SERPINB10: variants seen among roughly 807,000 people sequenced by gnomAD.
The protein encoded by SERPINB10 is serpin family B member 10.
Under a neutral mutation model 39.1 loss-of-function variants are expected in SERPINB10, and 35 were observed. That is an observed-to-expected ratio of 0.90 (90% CI 0.68 to 1.19). SERPINB10 has a LOEUF of 1.19. SERPINB10 is among the 50% of genes most tolerant of loss of function. SERPINB10 has a pLI of 0.00. For synonymous variants in SERPINB10, 190 were observed against 158.1 expected (o/e 1.20, Z -1.52); for missense variants, 546 against 460.5 (o/e 1.19, Z -1.70).
At chr18:63,921,654 C>T (rs1052091528) in intron 5 of SERPINB10, among the ~76,000 whole-genome samples, 2 of 151,912 alleles carry the variant, frequency 1.3e-5, no homozygotes, top group African/African-American at 4.8e-5. Flanking sequence ...ACAAATTAGA[C>T]CAGATAGGCC....
In SERPINB10 at chr18:63,935,398, A is replaced by G. The variant is rs1443136065; in HGVS notation, c.*156A>G. On this transcript the variant is annotated 3_prime_UTR_variant, in exon 8 of 8. Transcript: ENST00000238508. ...GATCTTGAAATAATGCATTCTAATG[A>G]TCCTGTCATATCTGTACAGCTGGAG... The G allele has an allele frequency of 8.7e-6, 6 of 687,034 alleles. No homozygotes were observed. The Admixed American group carries it at 1.2e-4, about 14-fold the overall frequency. The allele number at this position is 687,034 out of a possible 1,614,324, so 42.6% of individuals were successfully genotyped here.
In SERPINB10 at chr18:63,930,503, C is replaced by T. The variant is rs373045142; in HGVS notation, c.633+316C>T. On this transcript the variant is annotated intron_variant, in intron 6 of 7. Transcript: ENST00000238508. ...AGGCATGCCTGAGTTAGAAGCAGTC[C>T]AGAACAAGAACCTAAGAGTCCTCAC... 4.6e-5 allele frequency among the ~76,000 whole-genome samples: 7 copies of T among 152,042 alleles called. No homozygotes were observed. In the East Asian group the frequency reaches 5.8e-4, roughly 13 times the overall value.
intron 1 of SERPINB10, among the ~76,000 whole-genome samples, chr18:63,909,209 G>C (rs2050046736): frequency 6.6e-6 from 1 of 152,040 alleles, no homozygotes; most frequent in Non-Finnish European, 1.5e-5. Context: ...TAAGCTCATA[G>C]ATGATCAGTT....
Position 63,935,212 on chromosome 18 carries a change from T to G in SERPINB10, c.1164T>G (p.Ile388Met), listed in dbSNP as rs758570663. 6.2e-7 allele frequency: 1 copy of G among 1,600,578 alleles called. No homozygotes were observed. Among genetic ancestry groups the G allele is most frequent in the Non-Finnish European group, 8.5e-7 (1 of 1,173,804 alleles). ...TCAGGCACAATAAAACCAACACCAT[T>G]CTTTTTTATGGAAGATTATGCTCCC... Reference protein sequence around the residue: ...FFIRHNKTNTILFYGRLCSP With the variant: ...FFIRHNKTNTMLFYGRLCSP The change falls in exon 8 of 8, where the codon ATT (isoleucine) becomes ATG (methionine). Residue 388 changes from isoleucine to methionine, a missense_variant. Ile to Met is a conservative substitution (Grantham distance 10). Transcript: ENST00000238508.
chr18:63,934,432 T>G (rs1179888659), intron 7 of SERPINB10, among the ~76,000 whole-genome samples: 1 of 152,174 alleles, frequency 6.6e-6, no homozygotes, highest in Non-Finnish European at 1.5e-5. Context: ...TTATTCCAAA[T>G]TTTGTTTTCA....
At chr18:63,934,740 T>C in intron 7 of SERPINB10, 98 bp from the exon 8 acceptor site, 12 of 1,250,320 alleles carry the variant, frequency 9.6e-6, no homozygotes, top group Non-Finnish European at 1.3e-5. Context: ...GGAGTGATCA[T>C]AATTCACCTA....
chr18:63,909,733 G>C (rs947462896), intron 1 of SERPINB10, among the ~76,000 whole-genome samples: 21 of 152,004 alleles, frequency 1.4e-4, no homozygotes, highest in Non-Finnish European at 2.8e-4. Flanking sequence ...CATTTTCCGT[G>C]TAAATTTAAT....
intron 7 of SERPINB10, 62 bp downstream of exon 7, chr18:63,933,265 C>T (rs1013066523): frequency 1.2e-5 from 19 of 1,568,378 alleles, no homozygotes; most frequent in Admixed American, 3.4e-5. Flanking sequence ...AAAAGAACTG[C>T]TTGGCCAAGG....
At chr18:63,926,541 A>G (rs77863422) in intron 5 of SERPINB10, among the ~76,000 whole-genome samples, 2,387 of 152,172 alleles carry the variant, frequency 0.016, 71 homozygotes, top group African/African-American at 0.053. Context: ...ACAAAAATGC[A>G]TAACTTGAAT....
chr18:63,929,600 T>G (rs1031472655), intron 5 of SERPINB10, among the ~76,000 whole-genome samples: 2 of 151,670 alleles, frequency 1.3e-5, no homozygotes, highest in East Asian at 3.9e-4. Context: ...AGAAGTAACT[T>G]CCTTTTTTAC....
chr18:63,932,959 G>C lies in SERPINB10; in HGVS notation c.634-89G>C, dbSNP rs563313397. ...GAGAATCAGCAGTTTCACCAACTGAGAGCCAATGATGGTAGAGAATTAAGG... is the reference window on the plus strand; with the variant it reads ...GAGAATCAGCAGTTTCACCAACTGACAGCCAATGATGGTAGAGAATTAAGG... On this transcript the variant is annotated intron_variant, in intron 6 of 7. Coordinates refer to ENST00000238508, the MANE Select transcript of SERPINB10 (RefSeq NM_005024.3). 8.0e-5 allele frequency: 98 copies of C among 1,227,828 alleles called. 1 individual carries two copies. Among genetic ancestry groups the C allele is most frequent in the South Asian group, 5.6e-4 (40 of 71,834 alleles). The allele number at this position is 1,227,828 out of a possible 1,614,324, so 76.1% of individuals were successfully genotyped here. A position where few individuals can be genotyped will look rare whatever the true frequency, so the allele number is the denominator to read the frequency against.
intron 5 of SERPINB10, among the ~76,000 whole-genome samples, chr18:63,927,989 T>G (rs2050192595): frequency 6.6e-6 from 1 of 152,096 alleles, no homozygotes; most frequent in Admixed American, 6.5e-5. Context: ...TGAAAAGAAT[T>G]TACCTGTCTA....
intron 1 of SERPINB10, among the ~76,000 whole-genome samples, chr18:63,910,941 G>A (rs538568010): frequency 2.5e-4 from 38 of 151,956 alleles, no homozygotes; most frequent in Middle Eastern, 3.4e-3. Flanking sequence ...TTTCTCCACA[G>A]CGTCATCAGC....
chr18:63,912,406 T>C (rs2050071546), intron 1 of SERPINB10, among the ~76,000 whole-genome samples: 1 of 152,062 alleles, frequency 6.6e-6, no homozygotes, highest in Non-Finnish European at 1.5e-5. Flanking sequence ...TTCAGTATGA[T>C]ATTGGCTGTG....
chr18:63,915,727 T>G, intron 2 of SERPINB10, 49 bp downstream of exon 2: 1 of 1,474,982 alleles, frequency 6.8e-7, no homozygotes, highest in Non-Finnish European at 9.2e-7. Flanking sequence ...GCTAAGTGCT[T>G]TCATTGCCTT....
chr18:63,923,113 G>T (rs2050157892), intron 5 of SERPINB10, among the ~76,000 whole-genome samples: 1 of 151,872 alleles, frequency 6.6e-6, no homozygotes, highest in Admixed American at 6.6e-5. Flanking sequence ...TAAGCTCATG[G>T]TGGACACAGT....
intron 5 of SERPINB10, among the ~76,000 whole-genome samples, chr18:63,929,712 C>CAAAAAAAAAAAAAAAAAAAAAGA (rs2050206364): frequency 4.1e-5 from 4 of 97,346 alleles, no homozygotes; most frequent in Non-Finnish European, 9.9e-5. Context: ...AGCTAAAGTG[C>CAAAAAAAAAAAAAAAAAAAAAGA]AAAAAAAAAA....
intron 7 of SERPINB10, among the ~76,000 whole-genome samples, chr18:63,933,870 G>T (rs933464438): frequency 2.6e-5 from 4 of 152,188 alleles, no homozygotes; most frequent in African/African-American, 9.7e-5. Context: ...TTTGCACAGT[G>T]TCTAATTTTT....
chr18:63,916,417 A>G (rs1057393023), intron 2 of SERPINB10, among the ~76,000 whole-genome samples: 2 of 151,784 alleles, frequency 1.3e-5, no homozygotes, highest in African/African-American at 4.8e-5. Context: ...CAAATGACAG[A>G]ATTTTCACCC....
Sources: gnomAD v4.1 joint callset for allele counts (sites outside exome capture counted in the v4.1 genomes callset) on GRCh38, gnomAD v4.1.1 for gene constraint, MANE v1.5 for transcripts, NCBI Gene and HGNC (gene_info 2026-07-23, HGNC 2026-07-21) for gene names.